Variants in TMEM35B observed in about 807,000 individuals in gnomAD.
The protein encoded by TMEM35B is transmembrane protein 35B.
In TMEM35B, 6 loss-of-function variants were observed where a neutral mutation model predicts 8.7. The observed-to-expected ratio is 0.69, with a 90% CI of 0.38 to 1.36. TMEM35B has a LOEUF of 1.36. Ranked by LOEUF, TMEM35B falls within the 40% of genes most tolerant of loss-of-function variation. TMEM35B has a pLI of 0.02. For synonymous variants in TMEM35B, 89 were observed against 87.0 expected (o/e 1.02, Z -0.13); for missense variants, 176 against 181.6 (o/e 0.97, Z 0.18).
At chr1:34,981,899 T>G in exon 3 of TMEM35B, 2 of 1,469,530 alleles carry the variant, frequency 1.4e-6, no homozygotes, top group Non-Finnish European at 1.8e-6. Flanking sequence ...TGTTCTACCA[T>G]GTTCCTGCTG....
At chr1:34,983,634 A>G in intron 2 of TMEM35B, 133 bp downstream of exon 2, 2 of 600,526 alleles carry the variant, frequency 3.3e-6, no homozygotes. Context: ...GACCATGGAA[A>G]CTGTGGTAGA....
exon 3 of TMEM35B, chr1:34,981,809 G>T: frequency 1.3e-6 from 1 of 773,958 alleles, no homozygotes; most frequent in Non-Finnish European, 1.9e-6. Context: ...AAAAGAGAAA[G>T]CAGTGCCAGG....
exon 3 of TMEM35B, chr1:34,981,800 A>G: frequency 2.9e-6 from 2 of 700,428 alleles, no homozygotes; most frequent in Admixed American, 3.8e-5. Context: ...GTAAAGCTAA[A>G]AAGAGAAAGC....
At chr1:34,985,173 C>T in intron 1 of TMEM35B, 25 bp downstream of exon 1, 3 of 1,522,086 alleles carry the variant, frequency 2.0e-6, no homozygotes, top group Non-Finnish European at 2.6e-6. Flanking sequence ...GGCCCGATCC[C>T]CTGCCGCCCG....
chr1:34,984,002 C>T, intron 1 of TMEM35B, 55 bp from the exon 2 acceptor site: 8 of 1,394,382 alleles, frequency 5.7e-6, no homozygotes, highest in Non-Finnish European at 6.6e-6. Flanking sequence ...GATGAGCTCC[C>T]CAGATGCTCC....
chr1:34,985,074 TC>T, intron 1 of TMEM35B, 123 bp downstream of exon 1: 1 of 690,452 alleles, frequency 1.4e-6, no homozygotes, highest in Non-Finnish European at 2.2e-6. Context: ...CCAGGCGCTT[TC>T]CCCCAGCTCC....
chr1:34,985,176 GCCGC>G lies in TMEM35B; in HGVS notation c.108+18_108+21del. The G allele has an allele frequency of 6.6e-7, 1 of 1,523,834 alleles. No homozygotes were observed. Among genetic ancestry groups the G allele is most frequent in the Non-Finnish European group, 8.8e-7 (1 of 1,136,164 alleles). The allele number at this position is 1,523,834 out of a possible 1,614,324, so 94.4% of individuals were successfully genotyped here. A position where few individuals can be genotyped will look rare whatever the true frequency, so the allele number is the denominator to read the frequency against. On this transcript the variant is annotated intron_variant, in intron 1 of 2. Transcript: ENST00000373337. ...CACGCCGCCGCGGGCCCGATCCCCTGCCGCCCGCCCGCGCCGCTCACCATCCGCT... is the reference window on the plus strand; with the variant it reads ...CACGCCGCCGCGGGCCCGATCCCCTGCCGCCCGCGCCGCTCACCATCCGCT...
chr1:34,984,774 G>A (rs1206563901), intron 1 of TMEM35B, among the ~76,000 whole-genome samples: 2 of 152,178 alleles, frequency 1.3e-5, no homozygotes, highest in East Asian at 3.9e-4. Flanking sequence ...TTGCCCTTCA[G>A]GGCGGGCTTC....
At chr1:34,985,271 A>C (rs1402932056) in exon 1 of TMEM35B, 1 of 1,543,006 alleles carries the variant, frequency 6.5e-7, no homozygotes, top group Admixed American at 2.0e-5. Context: ...GAAGCCGCCC[A>C]GCAGTACACG....
At chr1:34,985,015 C>A (rs1310236426) in intron 1 of TMEM35B, among the ~76,000 whole-genome samples, 183 bp downstream of exon 1, 1 of 149,960 alleles carries the variant, frequency 6.7e-6, no homozygotes, top group African/African-American at 2.5e-5. Context: ...AGGGAAGATC[C>A]AGAGAACTCG....
intron 2 of TMEM35B, 42 bp downstream of exon 2, chr1:34,983,725 C>T (rs1640532596): frequency 7.0e-7 from 1 of 1,425,466 alleles, no homozygotes. Flanking sequence ...CATAATCCTC[C>T]CCCAGAAGAC....
intron 2 of TMEM35B, 146 bp from the exon 3 acceptor site, chr1:34,982,265 T>C (rs1456324256): frequency 3.3e-6 from 2 of 608,022 alleles, no homozygotes; most frequent in Admixed American, 3.5e-5. Flanking sequence ...TTCCCAAAAC[T>C]AGCGGCATTC....
At chr1:34,984,115 G>A (rs914277171) in intron 1 of TMEM35B, among the ~76,000 whole-genome samples, 168 bp from the exon 2 acceptor site, 1 of 152,228 alleles carries the variant, frequency 6.6e-6, no homozygotes, top group South Asian at 2.1e-4. Context: ...GGGCTGCCCT[G>A]TGGCGCTGAG....
chr1:34,985,234 G>C (rs1278704061), exon 1 of TMEM35B: 6 of 1,545,260 alleles, frequency 3.9e-6, no homozygotes, highest in Non-Finnish European at 5.2e-6. Context: ...TCTCCTCCGA[G>C]AGCTTGGCCA....
intron 2 of TMEM35B, 143 bp downstream of exon 2, chr1:34,983,624 G>T: frequency 2.9e-5 from 10 of 347,736 alleles, no homozygotes; most frequent in South Asian, 8.9e-5. Flanking sequence ...CTAGTTTGAA[G>T]ACCATGGAAA....
intron 2 of TMEM35B, among the ~76,000 whole-genome samples, chr1:34,983,510 C>CGGA (rs1394994270): frequency 7.7e-6 from 1 of 129,628 alleles, no homozygotes; most frequent in Non-Finnish European, 1.5e-5. Context: ...ACCCAGGAGG[C>CGGA]GGAGGTTGCA....
chr1:34,983,355 G>A (rs968134588), intron 2 of TMEM35B, among the ~76,000 whole-genome samples: 2 of 152,100 alleles, frequency 1.3e-5, no homozygotes, highest in African/African-American at 2.4e-5. Flanking sequence ...AAGGCGGGCA[G>A]ATCACGAGTT....
chr1:34,984,078 A>C, intron 1 of TMEM35B, 131 bp from the exon 2 acceptor site: 1 of 895,332 alleles, frequency 1.1e-6, no homozygotes, highest in Non-Finnish European at 1.5e-6. Flanking sequence ...GGTCAGGTCC[A>C]GGGCTGAGGT....
chr1:34,983,674 A>G, intron 2 of TMEM35B, 93 bp downstream of exon 2: 1 of 1,126,494 alleles, frequency 8.9e-7, no homozygotes, highest in Non-Finnish European at 1.2e-6. Flanking sequence ...CCAGAGAAAA[A>G]AGAAGGGTGG....
Sources: allele counts gnomAD v4.1 joint callset (sites outside exome capture counted in the v4.1 genomes callset), GRCh38; gene constraint gnomAD v4.1.1; transcripts MANE v1.5; gene names NCBI Gene and HGNC (gene_info 2026-07-23, HGNC 2026-07-21).